The following ATP5MC3 variants were observed in gnomAD, a reference collection of about 807,000 sequenced individuals.
The protein encoded by ATP5MC3 is ATP synthase membrane subunit c locus 3.
ATP5MC3 carries 6 observed loss-of-function variants against 15.6 expected under a neutral mutation model. That is an observed-to-expected ratio of 0.38 (90% CI 0.21 to 0.76). The LOEUF is 0.76. Ranked by LOEUF, ATP5MC3 falls within the 30% of genes least tolerant of loss-of-function variation. ATP5MC3 has a pLI of 0.44. For missense variants in ATP5MC3, 132 were observed against 171.2 expected (o/e 0.77, Z 1.28); for synonymous variants, 66 against 63.3 (o/e 1.04, Z -0.20).
Position 175,178,492 on chromosome 2 carries a change from T to C in ATP5MC3, c.315-90A>G, listed in dbSNP as rs1700721640. 8 of 1,486,490 alleles carry C rather than the reference T, an allele frequency of 5.4e-6. No individual in the cohort carries two copies. In the South Asian group the frequency reaches 7.1e-5, roughly 13 times the overall value. The allele number at this position is 1,486,490 out of a possible 1,614,324, so 92.1% of individuals were successfully genotyped here. On this transcript the variant is annotated intron_variant, in intron 4 of 4. Transcript: ENST00000284727. Reference sequence around the variant, plus strand: ...AAGAATCAGATTACTAGTGTGGGGATTTTTGTAAACTGAAAAGTCTGCTGG... The same window carrying C: ...AAGAATCAGATTACTAGTGTGGGGACTTTTGTAAACTGAAAAGTCTGCTGG...
chr2:175,178,093 T>C lies in ATP5MC3; in HGVS notation c.*195A>G. 1 of 1,131,330 alleles carries C rather than the reference T, an allele frequency of 8.8e-7. No individual in the cohort carries two copies. The highest frequency in any genetic ancestry group is 3.3e-5 in the East Asian group (1 of 30,622). The allele number at this position is 1,131,330 out of a possible 1,614,324, so 70.1% of individuals were successfully genotyped here. On this transcript the variant is annotated 3_prime_UTR_variant, in exon 5 of 5. Transcript: ENST00000284727. Reference sequence around the variant, plus strand: ...GGGACAGCATCTGCCTGAATGCACGTTCTTCTTTGTGATAATCTAAACTTA... The same window carrying C: ...GGGACAGCATCTGCCTGAATGCACGCTCTTCTTTGTGATAATCTAAACTTA...
chr2:175,180,178 T>A lies in ATP5MC3; in HGVS notation c.40A>T (p.Ile14Phe). The change falls in exon 3 of 5, where the codon ATC (isoleucine) becomes TTC (phenylalanine). Residue 14 changes from isoleucine to phenylalanine, a missense_variant and splice_region_variant. By Grantham distance (21) the Ile-to-Phe change is conservative (BLOSUM62 0). Transcript: ENST00000284727. ...CAKLACTPSL[I>F]RAGSRVAYRP... ...TATGCAACTCTGGATCCAGCTCGGA[T>A]CTATTAATGAAAAAAAAATAAAGAT... The A allele has an allele frequency of 6.4e-7, 1 of 1,573,546 alleles. No individual in the cohort carries two copies. Among genetic ancestry groups the A allele is most frequent in the Non-Finnish European group, 8.6e-7 (1 of 1,169,202 alleles).
chr2:175,181,556 C>T (rs2105418149), intron 1 of ATP5MC3, 90 bp from the exon 2 acceptor site: 1 of 841,622 alleles, frequency 1.2e-6, no homozygotes, highest in Non-Finnish European at 1.8e-6. Flanking sequence ...ACGCCGTCAG[C>T]TTGGGCCCCG....
chr2:175,179,544 A>T (rs1192815666), intron 3 of ATP5MC3: 1 of 315,212 alleles, frequency 3.2e-6, no homozygotes, highest in Non-Finnish European at 5.9e-6. Flanking sequence ...TCTGTCACCC[A>T]GGCTGGAGTG....
In ATP5MC3 at chr2:175,176,644, G is replaced by C. The variant is rs1308494125; in HGVS notation, c.*1644C>G. ...AAGGAATCCCCATACGCATTACGCA[G>C]TCACTCCCTTTTCACCCCCTCCCTA... On this transcript the variant is annotated 3_prime_UTR_variant, in exon 5 of 5. Transcript: ENST00000284727. 1 of 152,156 alleles carries C rather than the reference G, an allele frequency of 6.6e-6. No individual in the cohort carries two copies. The highest frequency in any genetic ancestry group is 1.5e-5 in the Non-Finnish European group (1 of 68,006). The allele number at this position is 152,156 out of a possible 1,614,324, so 9.4% of individuals were successfully genotyped here.
chr2:175,180,278 T>A, intron 2 of ATP5MC3, 100 bp from the exon 3 acceptor site: 2 of 850,162 alleles, frequency 2.4e-6, no homozygotes, highest in Non-Finnish European at 3.3e-6. Context: ...AAGCAAGCAG[T>A]AAAAATGAAT....
rs758429653 is a variant in ATP5MC3, at chr2:175,179,234, T to C, written c.137A>G (p.Asn46Ser). 5.0e-6 allele frequency: 8 copies of C among 1,613,528 alleles called. No individual in the cohort carries two copies. The Admixed American group carries it at 1.3e-4, about 27-fold the overall frequency. Residue 46 changes from asparagine to serine, a missense_variant, in exon 4 of 5, where the codon AAT becomes AGT. Asn to Ser is a conservative substitution (Grantham distance 46, BLOSUM62 1). Coordinates refer to ENST00000284727, the MANE Select transcript of ATP5MC3 (RefSeq NM_001689.5). ...CTGAGACACACCATTCTGGGCCCCA[T>C]TAAATACCGTAGAGCCCTGGAAAAC... ...SRTGEGSTVF[N>S]GAQNGVSQLI...
intron 2 of ATP5MC3, among the ~76,000 whole-genome samples, chr2:175,181,006 C>T (rs1700760633): frequency 6.6e-6 from 1 of 152,188 alleles, no homozygotes; most frequent in African/African-American, 2.4e-5. Flanking sequence ...CTCAACGGCC[C>T]CCTACATCCT....
At chr2:175,180,024 T>A in intron 3 of ATP5MC3, 74 bp downstream of exon 3, 1 of 1,270,386 alleles carries the variant, frequency 7.9e-7, no homozygotes, top group South Asian at 1.4e-5. Context: ...TAATAAAGTT[T>A]TTTTCCTTCA....
chr2:175,180,026 T>C (rs1446939751), intron 3 of ATP5MC3, 72 bp downstream of exon 3: 1 of 1,278,802 alleles, frequency 7.8e-7, no homozygotes, highest in East Asian at 2.6e-5. Context: ...ATAAAGTTTT[T>C]TTCCTTCACT....
chr2:175,181,565 C>T (rs1409166364), intron 1 of ATP5MC3, 91 bp downstream of exon 1: 1 of 766,630 alleles, frequency 1.3e-6, no homozygotes, highest in African/African-American at 1.8e-5. Flanking sequence ...GCTTGGGCCC[C>T]GTGCCCAGTG....
At position 175,178,464 on chromosome 2, in the gene ATP5MC3, T is replaced by TTGGTAAATGTTTGG. The variant is rs1700721128; in HGVS notation, c.315-63_315-62insCCAAACATTTACCA. 22 of 1,548,214 alleles carry TTGGTAAATGTTTGG rather than the reference T, an allele frequency of 1.4e-5. No homozygotes were observed. The South Asian group carries it at 2.5e-4, about 18-fold the overall frequency. ...TTAATTTCAACATGTTTGGTAAATG[T>TTGGTAAATGTTTGG]TAAAGAATCAGATTACTAGTGTGGG... On this transcript the variant is annotated intron_variant, in intron 4 of 4. Coordinates refer to ENST00000284727, the MANE Select transcript of ATP5MC3 (RefSeq NM_001689.5).
intron 3 of ATP5MC3, 61 bp downstream of exon 3, chr2:175,180,037 C>T: frequency 7.4e-7 from 1 of 1,356,232 alleles, no homozygotes. Flanking sequence ...TTCCTTCACT[C>T]TAATCAAAAC....
In ATP5MC3 at chr2:175,177,015, G is replaced by A. The variant is rs1161164999; in HGVS notation, c.*1273C>T. ...ACTAGATGATGAATCAACTAAAAAC[G>A]AGGTAGCAGCTCTACCTCTTTAGCT... On this transcript the variant is annotated 3_prime_UTR_variant, in exon 5 of 5. Coordinates refer to ENST00000284727, the MANE Select transcript of ATP5MC3 (RefSeq NM_001689.5). 1 of 152,088 alleles carries A rather than the reference G, an allele frequency of 6.6e-6. No homozygotes were observed. The highest frequency in any genetic ancestry group is 1.5e-5 in the Non-Finnish European group (1 of 68,010). 9.4% of individuals were successfully genotyped at this position (152,088 alleles called of 1,614,324 possible). A position where few individuals can be genotyped will look rare whatever the true frequency, so the allele number is the denominator to read the frequency against.
chr2:175,179,932 A>T, intron 3 of ATP5MC3, 166 bp downstream of exon 3: 2 of 557,444 alleles, frequency 3.6e-6, no homozygotes, highest in South Asian at 2.6e-5. Context: ...CGTCTCATCT[A>T]GTTTTTTGGC....
intron 4 of ATP5MC3, 79 bp from the exon 5 acceptor site, chr2:175,178,481 T>C: frequency 1.3e-6 from 2 of 1,508,216 alleles, no homozygotes; most frequent in Non-Finnish European, 1.8e-6. Context: ...ATCAGATTAC[T>C]AGTGTGGGGA....
chr2:175,179,242 C>T lies in ATP5MC3; in HGVS notation c.129G>A (p.Thr43=), dbSNP rs139451281. 2.3e-5 allele frequency: 37 copies of T among 1,607,486 alleles called. 1 individual carries two copies. Among genetic ancestry groups the T allele is most frequent in the South Asian group, 6.6e-5 (6 of 90,798 alleles). The stretch of plus-strand genomic sequence containing the variant: ...CACCATTCTGGGCCCCATTAAATAC[C>T]GTAGAGCCCTGGAAAACAGAAAATA... ...PEASRTGEGS[T]VFNGAQNGVS... The change falls in exon 4 of 5, where the codon ACG becomes ACA. Residue 43 remains threonine (T), a synonymous_variant. Transcript: ENST00000284727.
Position 175,181,338 on chromosome 2 carries a change from C to G in ATP5MC3, c.39+17G>C. 6.2e-7 allele frequency: 1 copy of G among 1,612,620 alleles called. No homozygotes were observed. Among genetic ancestry groups the G allele is most frequent in the Non-Finnish European group, 8.5e-7 (1 of 1,179,462 alleles). On this transcript the variant is annotated intron_variant, in intron 2 of 4. Transcript: ENST00000284727. ...CGCCCACCCCTCAATCCCCCCGACC[C>G]TGCCTGGGCTACGCACCAGAGAGGG...
chr2:175,179,725 G>C (rs769197723), intron 3 of ATP5MC3: 24 of 215,846 alleles, frequency 1.1e-4, no homozygotes, highest in Admixed American at 1.7e-4. Flanking sequence ...GGCTGATCTT[G>C]AACTCCTGGG....
Sources: gnomAD v4.1 joint callset for allele counts (sites outside exome capture counted in the v4.1 genomes callset) on GRCh38, gnomAD v4.1.1 for gene constraint, MANE v1.5 for transcripts, NCBI Gene and HGNC (gene_info 2026-07-23, HGNC 2026-07-21) for gene names.